The following KIF26B variants were observed in gnomAD, a reference collection of about 807,000 sequenced individuals.
KIF26B encodes the protein kinesin family member 26B.
In KIF26B, 63 loss-of-function variants were observed where a neutral mutation model predicts 151.2. The ratio of observed to expected loss-of-function variants is 0.42; its 90% CI spans 0.34 to 0.51. The LOEUF (loss-of-function observed/expected upper bound fraction) is 0.51. Ranked by LOEUF, KIF26B falls within the 20% of genes least tolerant of loss-of-function variation. KIF26B has a pLI of 0.07. For synonymous variants in KIF26B, 1,357 were observed against 1,262.1 expected (o/e 1.08, Z -1.59); for missense variants, 2,813 against 2,913.6 (o/e 0.97, Z 0.79).
At chr1:245,493,990 C>T (rs114627691) in intron 4 of KIF26B, among the ~76,000 whole-genome samples, 73 of 151,822 alleles carry the variant, frequency 4.8e-4, no homozygotes, top group Admixed American at 1.2e-3. Flanking sequence ...TTCTCAGTAT[C>T]ACAGTGCTAA....
chr1:245,624,929 CAAG>C (rs1466423956), intron 9 of KIF26B, among the ~76,000 whole-genome samples: 2 of 152,038 alleles, frequency 1.3e-5, no homozygotes, highest in Non-Finnish European at 2.9e-5. Flanking sequence ...TGTATGGACT[CAAG>C]TAGTTTTTTT....
At chr1:245,394,961 A>G (rs1093911) in intron 3 of KIF26B, among the ~76,000 whole-genome samples, 99,015 of 151,780 alleles carry the variant, frequency 0.65, 32,285 homozygotes, top group South Asian at 0.71. Context: ...CCAAAGTGCT[A>G]GGATTACAGG....
In KIF26B at chr1:245,688,021, C is replaced by T; in HGVS notation, c.5038C>T (p.Leu1680Phe). Residue 1680 changes from leucine to phenylalanine, a missense_variant, in exon 12 of 15, where the codon CTC becomes TTC. Coordinates refer to ENST00000407071, the MANE Select transcript of KIF26B (RefSeq NM_018012.4). ...GGCGACAGTCAGCCACTACGAATGC[C>T]TCTCCCTGGAGCGGGCCGAGAGCCT... ...GRATVSHYEC[L>F]SLERAESLSS... 1 of 1,561,620 alleles carries T rather than the reference C, an allele frequency of 6.4e-7. No homozygotes were observed. Among genetic ancestry groups the T allele is most frequent in the Non-Finnish European group, 8.7e-7 (1 of 1,154,064 alleles).
chr1:245,158,837 A>ATT, intron 2 of KIF26B, among the ~76,000 whole-genome samples: 1 of 60,902 alleles, frequency 1.6e-5, no homozygotes, highest in African/African-American at 5.9e-5. Context: ...GTGAATAATA[A>ATT]TTGTGTGTGT....
intron 2 of KIF26B, among the ~76,000 whole-genome samples, chr1:245,284,374 T>C (rs1041889575): frequency 2.5e-4 from 25 of 98,248 alleles, no homozygotes; most frequent in Admixed American, 5.7e-4. Context: ...TTTCTCCAGA[T>C]ACCTGGAGTA....
At chr1:245,235,054 G>C (rs1055573728) in intron 2 of KIF26B, among the ~76,000 whole-genome samples, 1 of 152,106 alleles carries the variant, frequency 6.6e-6, no homozygotes. Flanking sequence ...CTGTCCCTTC[G>C]GCCTCCTCCT....
At chr1:245,432,089 T>A (rs1219113788) in intron 4 of KIF26B, among the ~76,000 whole-genome samples, 1 of 152,020 alleles carries the variant, frequency 6.6e-6, no homozygotes, top group Non-Finnish European at 1.5e-5. Flanking sequence ...GTGACCTCCC[T>A]GTTTAAAATT....
intron 5 of KIF26B, among the ~76,000 whole-genome samples, chr1:245,576,946 C>T (rs1558221647): frequency 6.6e-6 from 1 of 152,320 alleles, no homozygotes; most frequent in Non-Finnish European, 1.5e-5. Context: ...CCACAAGGCA[C>T]AGTCCCTTAT....
At chr1:245,652,135 TGTGTGTGTGTGA>T (rs2044024853) in intron 10 of KIF26B, among the ~76,000 whole-genome samples, 2 of 100,268 alleles carry the variant, frequency 2.0e-5, no homozygotes. Flanking sequence ...TGTGTGTGTG[TGTGTGTGTGTGA>T]GAGAGACATA....
rs114476509 is a variant in KIF26B, at chr1:245,677,319, G to A, written c.2259-6914G>A. ...AACCTCTAGCATGCATGCTGGCCTC[G>A]GCTATCTCTGCCAATACTTTATTAC... On this transcript the variant is annotated intron_variant, in intron 10 of 14. Coordinates refer to ENST00000407071, the MANE Select transcript of KIF26B (RefSeq NM_018012.4). Among the ~76,000 whole-genome samples, 597 of 152,252 alleles carry A rather than the reference G, an allele frequency of 3.9e-3. 4 individuals are homozygous for A. Among genetic ancestry groups the A allele is most frequent in the African/African-American group, 0.013 (556 of 41,532 alleles).
chr1:245,300,554 A>G (rs557232717), intron 2 of KIF26B, among the ~76,000 whole-genome samples: 15 of 149,330 alleles, frequency 1.0e-4, no homozygotes, highest in African/African-American at 3.5e-4. Flanking sequence ...TTTGAGGCAG[A>G]GTCTTGCTCT....
intron 4 of KIF26B, among the ~76,000 whole-genome samples, chr1:245,428,983 CG>C (rs962636555): frequency 2.3e-4 from 6 of 26,486 alleles, no homozygotes; most frequent in African/African-American, 8.4e-4. Context: ...GTGGTGGGGG[CG>C]GGGGTGGGGG....
chr1:245,694,982 A>G (rs551695438), intron 12 of KIF26B, among the ~76,000 whole-genome samples: 1 of 152,298 alleles, frequency 6.6e-6, no homozygotes, highest in Non-Finnish European at 1.5e-5. Context: ...CTCCCCGATC[A>G]GACAGGCGGC....
In KIF26B at chr1:245,686,011, G is replaced by A. The variant is rs368651811; in HGVS notation, c.3028G>A (p.Ala1010Thr). ...KMQRSHSPVP[A>T]AAPAHSPSPA... ...GCAGAGGAGTCACTCACCTGTGCCC[G>A]CCGCGGCACCCGCCCACAGCCCCAG... The change falls in exon 12 of 15, where the codon GCC becomes ACC. Residue 1010 changes from alanine (A) to threonine (T), a missense_variant. Physicochemically the swap from Ala to Thr is moderately conservative, Grantham distance 58. Transcript: ENST00000407071. This position sits in a 1 kb window ranked among gnomAD's most constrained non-coding sequence, Gnocchi z 5.6. 52 of 1,591,340 alleles carry A rather than the reference G, an allele frequency of 3.3e-5. 2 individuals are homozygous for A. The South Asian group carries it at 4.8e-4, about 15-fold the overall frequency.
At chr1:245,230,611 C>T (rs1056560336) in intron 2 of KIF26B, among the ~76,000 whole-genome samples, 10 of 151,956 alleles carry the variant, frequency 6.6e-5, no homozygotes, top group East Asian at 1.9e-4. Flanking sequence ...GGCATGGTGG[C>T]GTGTGCCTGT....
At chr1:245,661,483 A>G (rs993502496) in intron 10 of KIF26B, among the ~76,000 whole-genome samples, 1 of 151,792 alleles carries the variant, frequency 6.6e-6, no homozygotes, top group African/African-American at 2.4e-5. Context: ...ACACTCACAT[A>G]TATATGTACA....
intron 5 of KIF26B, among the ~76,000 whole-genome samples, chr1:245,590,569 C>A (rs562206155): frequency 1.3e-5 from 2 of 152,214 alleles, no homozygotes; most frequent in African/African-American, 4.8e-5. Flanking sequence ...GGCAGAAGAG[C>A]GTGGTGGAAG....
intron 5 of KIF26B, among the ~76,000 whole-genome samples, chr1:245,594,583 A>C (rs2043321315): frequency 6.6e-6 from 1 of 152,046 alleles, no homozygotes; most frequent in Non-Finnish European, 1.5e-5. Context: ...TTGTAGTATA[A>C]TTTGAGGTCA....
At chr1:245,662,521 A>G (rs1053245660) in intron 10 of KIF26B, among the ~76,000 whole-genome samples, 5 of 149,908 alleles carry the variant, frequency 3.3e-5, no homozygotes, top group African/African-American at 1.2e-4. Flanking sequence ...ATATATATAC[A>G]CACACCCCCA....
Sources: allele counts gnomAD v4.1 joint callset (sites outside exome capture counted in the v4.1 genomes callset), GRCh38; gene constraint gnomAD v4.1.1; non-coding constraint Gnocchi (gnomAD v3.1); transcripts MANE v1.5; gene names NCBI Gene and HGNC (gene_info 2026-07-23, HGNC 2026-07-21).